ZNF217: variants seen among roughly 807,000 people sequenced by gnomAD.
ZNF217 encodes the protein zinc finger protein 217.
A neutral mutation model predicts 73.3 loss-of-function variants in ZNF217; 12 were observed. The ratio of observed to expected loss-of-function variants is 0.16; its 90% confidence interval spans 0.10 to 0.27. ZNF217 has a LOEUF of 0.27. ZNF217 is among the 10% of genes least tolerant of loss of function. The probability of loss-of-function intolerance (pLI) is 1.00; values close to 1 mark genes in which losing one functional copy is unlikely to be tolerated. For missense variants in ZNF217, 1,195 were observed against 1,327.8 expected (o/e 0.90, Z 1.55); for synonymous variants, 588 against 516.4 (o/e 1.14, Z -1.88).
chr20:53,589,900 TC>T (rs1268879751), intron 1 of ZNF217, among the ~76,000 whole-genome samples: 3 of 110,502 alleles, frequency 2.7e-5, no homozygotes, highest in East Asian at 3.0e-4. Flanking sequence ...TTAACACCCC[TC>T]CCCCCCGCAG....
intron 4 of ZNF217, chr20:53,574,506 AC>A (rs1988156440): frequency 6.6e-6 from 1 of 152,098 alleles, no homozygotes; most frequent in Non-Finnish European, 1.5e-5. Flanking sequence ...GTGAGGAAGA[AC>A]CCCTAGGCTG....
At chr20:53,579,265 C>A (rs1988397485) in intron 2 of ZNF217, among the ~76,000 whole-genome samples, 1 of 152,130 alleles carries the variant, frequency 6.6e-6, no homozygotes, top group East Asian at 1.9e-4. Flanking sequence ...TAAAATACCA[C>A]CCCCAAAACA....
At chr20:53,583,540 G>C (rs1988587543) in intron 1 of ZNF217, among the ~76,000 whole-genome samples, 1 of 152,120 alleles carries the variant, frequency 6.6e-6, no homozygotes, top group Non-Finnish European at 1.5e-5. Flanking sequence ...AAGACTATAA[G>C]AACTGTGAAA....
At position 53,571,844 on chromosome 20, in the gene ZNF217, G is replaced by C; in HGVS notation, c.3047C>G (p.Pro1016Arg). 1 of 1,601,014 alleles carries C rather than the reference G, an allele frequency of 6.2e-7. No homozygotes were observed. The highest frequency in any genetic ancestry group is 8.5e-7 in the Non-Finnish European group (1 of 1,176,034). The change falls in exon 5 of 6, where the codon CCT (proline) becomes CGT (arginine). Residue 1016 changes from proline to arginine, a missense_variant. By Grantham distance (103) the Pro-to-Arg change is moderately radical (BLOSUM62 -2). This residue lies in a region of ZNF217 where 649 missense variants were observed against 642.8 expected (regional missense o/e 1.01). Transcript: ENST00000371471. ...ASSSTLEGKR[P>R]VSYQHLSNSM... ...GTTAGATAAGTGTTGATATGACACA[G>C]GCCTTTTTCCTGATTGAAAAAAAAA...
At chr20:53,594,044 C>A (rs1462837663), upstream of ZNF217, among the ~76,000 whole-genome samples, 7 of 150,816 alleles carry the variant, frequency 4.6e-5, no homozygotes, top group African/African-American at 1.2e-4. Context: ...AGACCCCCCC[C>A]CAACAAAAAA....
chr20:53,570,808 G>A (rs1477495820), intron 5 of ZNF217, among the ~76,000 whole-genome samples: 2 of 152,144 alleles, frequency 1.3e-5, no homozygotes, highest in Non-Finnish European at 2.9e-5. Context: ...CTAGAACGTT[G>A]GGCATAGAGC....
At chr20:53,595,046 C>CAAAAAAAAAAAAAA (rs55752265), upstream of ZNF217, among the ~76,000 whole-genome samples, 1 of 105,210 alleles carries the variant, frequency 9.5e-6, no homozygotes, top group Non-Finnish European at 1.9e-5. Flanking sequence ...AAAAAAGGGA[C>CAAAAAAAAAAAAAA]AAAAAAAAAA....
At chr20:53,586,714 A>C (rs979191189) in intron 1 of ZNF217, among the ~76,000 whole-genome samples, 9 of 152,384 alleles carry the variant, frequency 5.9e-5, no homozygotes, top group Non-Finnish European at 1.2e-4. Flanking sequence ...AGACGTTAAT[A>C]ACAGAATACA....
chr20:53,575,209 T>C (rs1988202277), intron 4 of ZNF217: 1 of 152,234 alleles, frequency 6.6e-6, no homozygotes. Flanking sequence ...TAGCCAAGCG[T>C]GGTGGAGTGC....
intron 1 of ZNF217, 43 bp downstream of exon 1, chr20:53,593,713 C>CGGGCGCCCCGGCTGGCGCGGGCGGGGG (rs1988968903): frequency 6.6e-6 from 1 of 150,948 alleles, no homozygotes; most frequent in South Asian, 2.1e-4. Context: ...CAGGACCGGG[C>CGGGCGCCCCGGCTGGCGCGGGCGGGGG]GGGCGCCCCG....
chr20:53,575,962 G>A lies in ZNF217; in HGVS notation c.2802C>T (p.Ala934=), dbSNP rs754075855. The change falls in exon 4 of 6, where the codon GCC becomes GCT. Residue 934 remains alanine (A), a synonymous_variant. Coordinates refer to ENST00000371471, the MANE Select transcript of ZNF217 (RefSeq NM_006526.3). ...VVALDVDQPG[A]NYRRGYDLPK... ...GAAGGTCATAGCCTCTTCTGTAATTGGCCCCGGGCTGGTCAACGTCAAGGG... is the reference window on the plus strand; with the variant it reads ...GAAGGTCATAGCCTCTTCTGTAATTAGCCCCGGGCTGGTCAACGTCAAGGG... 2.2e-5 allele frequency: 36 copies of A among 1,614,086 alleles called. No homozygotes were observed. The highest frequency in any genetic ancestry group is 2.9e-5 in the Non-Finnish European group (34 of 1,180,042).
intron 1 of ZNF217, among the ~76,000 whole-genome samples, chr20:53,592,740 G>A (rs1291882384): frequency 6.6e-6 from 1 of 150,932 alleles, no homozygotes; most frequent in Non-Finnish European, 1.5e-5. Flanking sequence ...CCACCATCCC[G>A]TCCGGCTCGC....
chr20:53,594,940 G>A (rs1989014449), upstream of ZNF217, among the ~76,000 whole-genome samples: 1 of 149,914 alleles, frequency 6.7e-6, no homozygotes, highest in Admixed American at 6.7e-5. Flanking sequence ...AAAGGGCTGG[G>A]CTTGCGCTAT....
At chr20:53,592,704 G>A (rs1404264371) in intron 1 of ZNF217, among the ~76,000 whole-genome samples, 1 of 151,898 alleles carries the variant, frequency 6.6e-6, no homozygotes, top group East Asian at 1.9e-4. Flanking sequence ...CAGCCTCCCG[G>A]GCCCCCAGCA....
chr20:53,576,154 C>T lies in ZNF217; in HGVS notation c.2610G>A (p.Gln870=). Residue 870 remains glutamine, a synonymous_variant, in exon 4 of 6, where the codon CAG becomes CAA. Coordinates refer to ENST00000371471, the MANE Select transcript of ZNF217 (RefSeq NM_006526.3). ...TGATGTTACTGCTGCCGAGGGTGGG[C>T]TGAGAAGGAGCTACTGGAAGAGGTT... The part of the protein sequence containing the change: ...KLKPLPVAPS[Q]PTLGSSNING... 1 of 1,614,214 alleles carries T rather than the reference C, an allele frequency of 6.2e-7. No individual in the cohort carries two copies. The highest frequency in any genetic ancestry group is 2.2e-5 in the East Asian group (1 of 44,894).
chr20:53,576,896 A>C lies in ZNF217; in HGVS notation c.1868T>G (p.Leu623Arg). 2 of 1,614,210 alleles carry C rather than the reference A, an allele frequency of 1.2e-6. No individual in the cohort carries two copies. Among genetic ancestry groups the C allele is most frequent in the African/African-American group, 2.7e-5 (2 of 75,058 alleles). Residue 623 changes from leucine (L) to arginine (R), a missense_variant, in exon 4 of 6, where the codon CTG becomes CGG. By Grantham distance (102) the Leu-to-Arg change is moderately radical. Around this residue, in one of 9 missense-constraint regions of ZNF217, gnomAD observed 649 missense variants for 642.8 expected, o/e 1.01. Transcript: ENST00000371471. Reference sequence around the variant, plus strand: ...TGCTGATCTCTTTTTTAACAGGTCCAGGTAAGCAGGGGTAGGGTTTTTATT... The same window carrying C: ...TGCTGATCTCTTTTTTAACAGGTCCCGGTAAGCAGGGGTAGGGTTTTTATT... ...KVNKNPTPAYLDLLKKRSAVE... is the reference protein window; with the variant it reads ...KVNKNPTPAYRDLLKKRSAVE...
chr20:53,571,400 G>GC lies in ZNF217; in HGVS notation c.*23+320dup, dbSNP rs200475677. ...TTCCGATCAAGTAAAATCAATCCCCGCCCCCGCCCCCCCTTTTTTTTAGAC... is the reference window on the plus strand; with the variant it reads ...TTCCGATCAAGTAAAATCAATCCCCGCCCCCCGCCCCCCCTTTTTTTTAGAC... On this transcript the variant is annotated intron_variant, in intron 5 of 5. Transcript: ENST00000371471. Among the ~76,000 whole-genome samples the GC allele has an allele frequency of 2.7e-3, 53 of 19,842 alleles. 2 individuals are homozygous for GC. Among genetic ancestry groups the GC allele is most frequent in the African/African-American group, 0.01 (40 of 3,848 alleles). The allele number at this position is 19,842 out of a possible 152,430, so 13.0% of individuals were successfully genotyped here.
In ZNF217 at chr20:53,581,882, T is replaced by C; in HGVS notation, c.945A>G (p.Glu315=). The part of the protein sequence containing the change: ...GKVAICQEVK[E]SGQEGSTDND... ...TGTCGGTGCTCCCTTCTTGCCCCGA[T>C]TCCTTCACTTCTTGGCAAATGGCAA... Residue 315 remains glutamate, a synonymous_variant, in exon 2 of 6, where the codon GAA becomes GAG. Coordinates refer to ENST00000371471, the MANE Select transcript of ZNF217 (RefSeq NM_006526.3). This position sits in a 1 kb window ranked among gnomAD's most constrained non-coding sequence, Gnocchi z 4.9. 2.5e-6 allele frequency: 4 copies of C among 1,614,232 alleles called. No individual in the cohort carries two copies. The highest frequency in any genetic ancestry group is 1.1e-5 in the South Asian group (1 of 91,084).
intron 1 of ZNF217, among the ~76,000 whole-genome samples, chr20:53,588,600 A>C (rs974536798): frequency 6.9e-3 from 20 of 2,904 alleles, no homozygotes; most frequent in African/African-American, 0.013. Flanking sequence ...CTATCTATAT[A>C]TATATATATA....
Sources: gnomAD v4.1 joint callset for allele counts (sites outside exome capture counted in the v4.1 genomes callset) on GRCh38, gnomAD v4.1.1 for gene constraint, gnomAD v4.1.1 regional missense constraint, Gnocchi (gnomAD v3.1) non-coding constraint, MANE v1.5 for transcripts, NCBI Gene and HGNC (gene_info 2026-07-23, HGNC 2026-07-21) for gene names.